TNN: variants seen among roughly 807,000 people sequenced by gnomAD.
The protein encoded by TNN is tenascin N, also known as tenascin-N.
A neutral mutation model predicts 134.4 loss-of-function variants in TNN; 122 were observed. The observed-to-expected ratio is 0.91, with a 90% CI of 0.78 to 1.06. The LOEUF (loss-of-function observed/expected upper bound fraction) is 1.06, where lower values mean the gene tolerates loss of function less well. Among genes scored for constraint, TNN ranks in the 50% least tolerant of loss-of-function variants. The probability of loss-of-function intolerance (pLI) is 0.00; values close to 1 mark genes in which losing one functional copy is unlikely to be tolerated. For missense variants in TNN, 1,739 were observed against 1,699.4 expected, an observed-to-expected ratio of 1.02 and a Z score of -0.41; for synonymous variants, 710 against 670.3, an observed-to-expected ratio of 1.06 and a Z score of -0.91.
intron 17 of TNN, among the ~76,000 whole-genome samples, chr1:175,143,810 G>C (rs139297046): frequency 2.6e-5 from 4 of 152,300 alleles, no homozygotes; most frequent in African/African-American, 9.6e-5. Flanking sequence ...TGATGAAAAT[G>C]GACGTCTAAA....
Position 175,080,861 on chromosome 1 carries a change from A to G in TNN, c.1048+435A>G, listed in dbSNP as rs543060918. ...TGGGGTAAATGAAATTTCAAAGTTT[A>G]ACTAACAGATTGTTCACAAAGGTGT... On this transcript the variant is annotated intron_variant, in intron 4 of 18. Transcript: ENST00000239462. 2.0e-5 allele frequency among the ~76,000 whole-genome samples: 3 copies of G among 152,356 alleles called. No homozygotes were observed. In the South Asian group the frequency reaches 6.2e-4, roughly 32 times the overall value.
Position 175,121,608 on chromosome 1 carries a change from A to G in TNN, c.2651-1792A>G, listed in dbSNP as rs1675379061. 2.6e-5 allele frequency among the ~76,000 whole-genome samples: 4 copies of G among 152,368 alleles called. No homozygotes were observed. The South Asian group carries it at 8.3e-4, about 32-fold the overall frequency. ...GGGAGGTTCGTAGGGAAGCTGCTAG[A>G]AAAGTCTGGGTGCAAAATGCTGCTT... is the stretch of plus-strand genomic sequence containing the variant. On this transcript the variant is annotated intron_variant, in intron 11 of 18. Transcript: ENST00000239462.
intron 10 of TNN, 106 bp downstream of exon 10, chr1:175,117,311 A>G (rs762261842): frequency 1.7e-5 from 26 of 1,564,478 alleles, no homozygotes; most frequent in Non-Finnish European, 2.3e-5. Context: ...TGATTAATGG[A>G]AGAGTGGGAT....
rs1188334882 is a variant in TNN at position 175,136,866 on chromosome 1, A to G, written c.3473A>G (p.Tyr1158Cys). The stretch of plus-strand genomic sequence containing the variant: ...CTCACCACCGGCACTCCAGCGCGGT[A>G]TGAGGTGAGAGTGGATTTACAGACT... ...HNLTTGTPARYEVRVDLQTAN... is the reference protein window; with the variant it reads ...HNLTTGTPARCEVRVDLQTAN... Residue 1158 changes from tyrosine to cysteine, a missense_variant, in exon 17 of 19, where the codon TAT (tyrosine) becomes TGT (cysteine). Transcript: ENST00000239462. 1 of 1,614,192 alleles carries G rather than the reference A, an allele frequency of 6.2e-7. No individual in the cohort carries two copies. Among genetic ancestry groups the G allele is most frequent in the Non-Finnish European group, 8.5e-7 (1 of 1,180,018 alleles).
intron 1 of TNN, among the ~76,000 whole-genome samples, chr1:175,072,970 T>A: frequency 8.6e-6 from 1 of 116,056 alleles, no homozygotes; most frequent in Non-Finnish European, 1.7e-5. Context: ...GAGAACTTCT[T>A]CAGAAAACCA....
At chr1:175,074,246 G>A (rs1025907626) in intron 1 of TNN, among the ~76,000 whole-genome samples, 3 of 152,100 alleles carry the variant, frequency 2.0e-5, no homozygotes, top group Non-Finnish European at 2.9e-5. Flanking sequence ...ACTTTGGGGA[G>A]CTGAGGTGGA....
intron 15 of TNN, among the ~76,000 whole-genome samples, chr1:175,133,002 G>A (rs765167893): frequency 6.6e-6 from 1 of 152,236 alleles, no homozygotes; most frequent in Non-Finnish European, 1.5e-5. Flanking sequence ...GTGGAAAGGA[G>A]GGAGATTAGA....
chr1:175,123,524 G>A lies in TNN; in HGVS notation c.2775G>A (p.Glu925=), dbSNP rs760852580. Residue 925 remains glutamate, a synonymous_variant, in exon 12 of 19, where the codon GAG becomes GAA. Transcript: ENST00000239462. ...TGCGCTACACCTCTGCTGACGGAGA[G>A]ACCAGGGAGGTTCCGGTGGGGAAGG... ...YMVRYTSADG[E]TREVPVGKEH... is the part of the protein sequence containing the mutation. The A allele has an allele frequency of 3.1e-6, 5 of 1,613,982 alleles. No individual in the cohort carries two copies. The African/African-American group carries it at 6.7e-5, about 22-fold the overall frequency.
rs1340350319 is a variant in TNN at position 175,147,519 on chromosome 1, C to G, written c.*448C>G. On this transcript the variant is annotated 3_prime_UTR_variant, in exon 19 of 19. Coordinates refer to ENST00000239462, the MANE Select transcript of TNN (RefSeq NM_022093.2). ...GGCTGAGACAACCGGACGTTTGTCACCTCCTTTCCCATTGGGTTTTTAGGA... is the reference window on the plus strand; with the variant it reads ...GGCTGAGACAACCGGACGTTTGTCAGCTCCTTTCCCATTGGGTTTTTAGGA... The G allele has an allele frequency of 1.3e-5, 2 of 153,090 alleles. No homozygotes were observed. Among genetic ancestry groups the G allele is most frequent in the Admixed American group, 6.5e-5 (1 of 15,298 alleles). The allele number at this position is 153,090 out of a possible 1,614,324, so 9.5% of individuals were successfully genotyped here.
chr1:175,124,836 T>C (rs970184066), intron 12 of TNN, among the ~76,000 whole-genome samples: 1 of 152,222 alleles, frequency 6.6e-6, no homozygotes, highest in Non-Finnish European at 1.5e-5. Flanking sequence ...CCTTTCTCTG[T>C]TCCTTTCTCT....
At chr1:175,140,843 G>T (rs1239555302) in intron 17 of TNN, among the ~76,000 whole-genome samples, 1 of 152,224 alleles carries the variant, frequency 6.6e-6, no homozygotes, top group East Asian at 1.9e-4. Flanking sequence ...TATGTACACT[G>T]ATTTGTCCAT....
intron 11 of TNN, among the ~76,000 whole-genome samples, chr1:175,122,035 T>C (rs1414894894): frequency 6.6e-6 from 1 of 152,040 alleles, no homozygotes; most frequent in Admixed American, 6.5e-5. Flanking sequence ...TAGCATCCAG[T>C]TGGTATTTAA....
chr1:175,141,354 C>T (rs962982556), intron 17 of TNN, among the ~76,000 whole-genome samples: 1 of 152,134 alleles, frequency 6.6e-6, no homozygotes, highest in African/African-American at 2.4e-5. Context: ...CGAGTCCCAC[C>T]TGCATGGGCC....
intron 9 of TNN, among the ~76,000 whole-genome samples, chr1:175,099,796 C>G (rs1411053075): frequency 6.6e-6 from 1 of 152,144 alleles, no homozygotes; most frequent in African/African-American, 2.4e-5. Context: ...CTAAAGCTGA[C>G]TCGGTCATGA....
At chr1:175,116,286 G>C (rs1020223631) in intron 9 of TNN, among the ~76,000 whole-genome samples, 7 of 152,018 alleles carry the variant, frequency 4.6e-5, no homozygotes, top group African/African-American at 1.5e-4. Context: ...TTAAATTATA[G>C]AGTAAATATT....
intron 12 of TNN, among the ~76,000 whole-genome samples, chr1:175,126,276 A>G (rs1675527361): frequency 6.6e-6 from 1 of 151,362 alleles, no homozygotes; most frequent in African/African-American, 2.4e-5. Context: ...TAATTTTTGT[A>G]TGTTTGGTAG....
chr1:175,126,608 C>A (rs969479789), intron 12 of TNN, among the ~76,000 whole-genome samples: 1 of 152,100 alleles, frequency 6.6e-6, no homozygotes, highest in Non-Finnish European at 1.5e-5. Flanking sequence ...GCCCTCTTAT[C>A]TTTCCACATC....
rs866013085 is a variant in TNN at position 175,102,655 on chromosome 1, G to A, written c.2119+4060G>A. On this transcript the variant is annotated intron_variant, in intron 9 of 18. Coordinates refer to ENST00000239462, the MANE Select transcript of TNN (RefSeq NM_022093.2). ...TCCAGCTGGCCCGCAAGCACCATGC[G>A]CAGCCCTGGTTCCCACTCGCGCCTC... Among the ~76,000 whole-genome samples, 15 of 145,458 alleles carry A rather than the reference G, an allele frequency of 1.0e-4. 1 individual carries two copies. The highest frequency in any genetic ancestry group is 1.4e-4 in the Admixed American group (2 of 14,560).
chr1:175,094,058 C>A lies in TNN; in HGVS notation c.1393C>A (p.Pro465Thr). ...AGACACAGCAACTGTCTCCTGGGACCCAGTGCAGGCTGTCATAGACAAGTA... is the reference window on the plus strand; with the variant it reads ...AGACACAGCAACTGTCTCCTGGGACACAGTGCAGGCTGTCATAGACAAGTA... ...TEDTATVSWDPVQAVIDKYVV... is the reference protein window; with the variant it reads ...TEDTATVSWDTVQAVIDKYVV... The change falls in exon 7 of 19, where the codon CCA (proline) becomes ACA (threonine). Residue 465 changes from proline to threonine, a missense_variant. Pro to Thr is a conservative substitution (Grantham distance 38). Coordinates refer to ENST00000239462, the MANE Select transcript of TNN (RefSeq NM_022093.2). The A allele has an allele frequency of 6.2e-7, 1 of 1,614,028 alleles. No individual in the cohort carries two copies. Among genetic ancestry groups the A allele is most frequent in the South Asian group, 1.1e-5 (1 of 91,074 alleles).
Sources: allele counts gnomAD v4.1 joint callset (sites outside exome capture counted in the v4.1 genomes callset), GRCh38; gene constraint gnomAD v4.1.1; transcripts MANE v1.5; gene names NCBI Gene and HGNC (gene_info 2026-07-23, HGNC 2026-07-21).